NRXN3: variants seen among roughly 807,000 people sequenced by gnomAD.
NRXN3 encodes neurexin 3.
In NRXN3, 32 loss-of-function variants were observed where a neutral mutation model predicts 137.6. That is an observed-to-expected ratio of 0.23 (90% confidence interval 0.18 to 0.31). NRXN3 has a LOEUF of 0.31. Among genes scored for constraint, NRXN3 ranks in the 10% least tolerant of loss-of-function variants. The pLI is 1.00. For missense variants in NRXN3, 1,574 were observed against 2,062.5 expected, an observed-to-expected ratio of 0.76 and a Z score of 4.59; for synonymous variants, 798 against 784.5, an observed-to-expected ratio of 1.02 and a Z score of -0.29.
At chr14:79,847,877 A>G (rs1344692133) in intron 20 of NRXN3, among the ~76,000 whole-genome samples, 2 of 151,544 alleles carry the variant, frequency 1.3e-5, no homozygotes. Flanking sequence ...ACTGCCAGGA[A>G]TTCTTTTTTT....
chr14:79,273,172 C>CA (rs1163073631), intron 15 of NRXN3, among the ~76,000 whole-genome samples: 5,564 of 19,902 alleles, frequency 0.28, 818 homozygotes, highest in Non-Finnish European at 0.36. Context: ...ACTCTGTGGC[C>CA]AAAAAAAAAA....
chr14:79,014,340 T>C (rs1021847259), intron 15 of NRXN3, among the ~76,000 whole-genome samples: 3 of 152,218 alleles, frequency 2.0e-5, no homozygotes, highest in Non-Finnish European at 4.4e-5. Flanking sequence ...TCCCATTTTT[T>C]AAGTGAGAAC....
At chr14:78,307,561 C>T (rs947153196) in intron 4 of NRXN3, among the ~76,000 whole-genome samples, 6 of 151,980 alleles carry the variant, frequency 3.9e-5, no homozygotes, top group African/African-American at 1.2e-4. Context: ...TTTGATGAAG[C>T]GCAGGTTTCC....
intron 15 of NRXN3, among the ~76,000 whole-genome samples, chr14:78,988,461 A>C (rs2099511724): frequency 6.6e-6 from 1 of 152,204 alleles, no homozygotes; most frequent in Non-Finnish European, 1.5e-5. Flanking sequence ...GTTCTTCATG[A>C]ATTAAATCAC....
At chr14:78,462,015 T>C (rs2094935260) in intron 4 of NRXN3, among the ~76,000 whole-genome samples, 1 of 152,194 alleles carries the variant, frequency 6.6e-6, no homozygotes, top group Admixed American at 6.5e-5. Context: ...TCTTTAAATT[T>C]CCTCCTAACA....
chr14:79,012,217 A>C (rs1000162561), intron 15 of NRXN3, among the ~76,000 whole-genome samples: 1 of 152,186 alleles, frequency 6.6e-6, no homozygotes, highest in Non-Finnish European at 1.5e-5. Flanking sequence ...ACAGACAAAG[A>C]TTAAGAGATG....
At chr14:78,889,401 G>A (rs903446922) in intron 10 of NRXN3, among the ~76,000 whole-genome samples, 1 of 151,832 alleles carries the variant, frequency 6.6e-6, no homozygotes, top group Non-Finnish European at 1.5e-5. Flanking sequence ...TTTGAGTTTG[G>A]GATCATGACC....
At chr14:78,923,974 G>A (rs2099277986) in intron 10 of NRXN3, among the ~76,000 whole-genome samples, 1 of 152,192 alleles carries the variant, frequency 6.6e-6, no homozygotes, top group Admixed American at 6.5e-5. Flanking sequence ...ATACGGCTGG[G>A]CATGGTGGCT....
Position 78,889,371 on chromosome 14 carries a change from G to A in NRXN3, c.2276-67871G>A, listed in dbSNP as rs1228253395. On this transcript the variant is annotated intron_variant, in intron 10 of 20. Coordinates refer to ENST00000335750, the MANE Select transcript of NRXN3 (RefSeq NM_001330195.2). ...TGAGTGCAGTTTTGCTTTCAGAGAA[G>A]CATTGCACTTGGTGTGTGATTTGAG... 2.0e-5 allele frequency among the ~76,000 whole-genome samples: 3 copies of A among 152,026 alleles called. No homozygotes were observed. The East Asian group carries it at 5.9e-4, about 30-fold the overall frequency.
At chr14:78,392,556 T>C in intron 4 of NRXN3, among the ~76,000 whole-genome samples, 1 of 152,144 alleles carries the variant, frequency 6.6e-6, no homozygotes, top group African/African-American at 2.4e-5. Flanking sequence ...GCTGATTCTT[T>C]GGTTAAATCA....
intron 10 of NRXN3, among the ~76,000 whole-genome samples, chr14:78,855,056 C>T (rs886481896): frequency 4.6e-5 from 7 of 151,688 alleles, no homozygotes; most frequent in African/African-American, 1.5e-4. Flanking sequence ...CCCAGCTACT[C>T]GGGAGGCTGG....
chr14:78,837,321 C>A (rs2098999868), intron 10 of NRXN3, among the ~76,000 whole-genome samples: 1 of 152,082 alleles, frequency 6.6e-6, no homozygotes, highest in Non-Finnish European at 1.5e-5. Flanking sequence ...GTGTCTAAGG[C>A]CCTCTTTGTT....
chr14:79,127,027 T>C lies in NRXN3; in HGVS notation c.3262+138886T>C, dbSNP rs1039856736. 2.2e-4 allele frequency among the ~76,000 whole-genome samples: 34 copies of C among 152,250 alleles called. 1 individual carries two copies. Among genetic ancestry groups the C allele is most frequent in the Admixed American group, 1.8e-3 (27 of 15,296 alleles). On this transcript the variant is annotated intron_variant, in intron 15 of 20. Transcript: ENST00000335750. ...GCCCACTTTTTGATGGGATTGTTTG[T>C]TTTTTTCTTGTAAATTTGTTTGAGT...
intron 18 of NRXN3, among the ~76,000 whole-genome samples, chr14:79,695,609 G>A (rs953447236): frequency 3.5e-5 from 5 of 142,724 alleles, no homozygotes; most frequent in Non-Finnish European, 7.6e-5. Context: ...ATCATTTCAT[G>A]TCTTTTGTAG....
intron 15 of NRXN3, among the ~76,000 whole-genome samples, chr14:79,427,212 C>G (rs1383468986): frequency 6.6e-6 from 1 of 152,118 alleles, no homozygotes. Context: ...CTGTAAACAG[C>G]CTCAGGGAAC....
chr14:78,855,671 A>C (rs1427128740), intron 10 of NRXN3, among the ~76,000 whole-genome samples: 3 of 152,194 alleles, frequency 2.0e-5, no homozygotes, highest in African/African-American at 4.8e-5. Flanking sequence ...TGTCAAAAAT[A>C]ATTTGAAGAA....
chr14:79,359,321 C>G (rs4903845), intron 15 of NRXN3, among the ~76,000 whole-genome samples: 68,248 of 151,758 alleles, frequency 0.45, 15,634 homozygotes, highest in South Asian at 0.54. Context: ...TAAGTAACTG[C>G]CTTGCAAGGG....
At chr14:78,747,502 T>C in intron 8 of NRXN3, among the ~76,000 whole-genome samples, 1 of 152,176 alleles carries the variant, frequency 6.6e-6, no homozygotes, top group East Asian at 1.9e-4. Context: ...CGTGCTTTAG[T>C]GGTATTTACA....
intron 15 of NRXN3, among the ~76,000 whole-genome samples, chr14:79,134,558 C>T (rs1037741975): frequency 9.9e-5 from 15 of 152,184 alleles, no homozygotes; most frequent in African/African-American, 3.4e-4. Context: ...TTACATAATG[C>T]TATGCTTCTC....
Sources: gnomAD v4.1 joint callset for allele counts (sites outside exome capture counted in the v4.1 genomes callset) on GRCh38, gnomAD v4.1.1 for gene constraint, MANE v1.5 for transcripts, NCBI Gene and HGNC (gene_info 2026-07-23, HGNC 2026-07-21) for gene names.